PLSCR2: variants seen among roughly 807,000 people sequenced by gnomAD.
PLSCR2 encodes phospholipid scramblase 2.
PLSCR2 carries 18 observed loss-of-function variants against 25.3 expected under a neutral mutation model. That is an observed-to-expected ratio of 0.71 (90% CI 0.49 to 1.06). The LOEUF (loss-of-function observed/expected upper bound fraction) is 1.06. PLSCR2 is among the 50% of genes least tolerant of loss of function. PLSCR2 has a pLI of 0.00. For missense variants in PLSCR2, 243 were observed against 269.5 expected (o/e 0.90, Z 0.69); for synonymous variants, 88 against 87.3 (o/e 1.01, Z -0.04).
intron 1 of PLSCR2, among the ~76,000 whole-genome samples, chr3:146,483,327 A>G (rs2043197562): frequency 6.7e-6 from 1 of 149,156 alleles, no homozygotes; most frequent in South Asian, 2.1e-4. Context: ...GAAATACCAA[A>G]TGTAAATGAC....
chr3:146,436,700 T>C (rs532865815), intron 8 of PLSCR2, among the ~76,000 whole-genome samples: 3 of 151,974 alleles, frequency 2.0e-5, no homozygotes, highest in South Asian at 2.1e-4. Context: ...TTTCTAAAGA[T>C]ACAATCATGT....
intron 2 of PLSCR2, among the ~76,000 whole-genome samples, chr3:146,412,456 G>A (rs1405100362): frequency 6.6e-6 from 1 of 152,094 alleles, no homozygotes; most frequent in Non-Finnish European, 1.5e-5. Flanking sequence ...GATGTCACCA[G>A]TGCTTACCAC....
rs1559964623 is a variant in PLSCR2, at chr3:146,393,815, A to AAAAAAC, written c.*145+1944_*145+1945insGTTTTT. ...GCGACAGAGACTCCGTCTCAAAAAAAAAAAAAAAACTTCTAAATAAGACCA... is the reference window on the plus strand; with the variant it reads ...GCGACAGAGACTCCGTCTCAAAAAAAAAAAACAAAAAAAAACTTCTAAATAAGACCA... On this transcript the variant is annotated intron_variant and NMD_transcript_variant, in intron 3 of 3. Transcript: ENST00000463633. Among the ~76,000 whole-genome samples the AAAAAAC allele has an allele frequency of 6.6e-5, 10 of 151,934 alleles. No homozygotes were observed. The South Asian group carries it at 2.1e-3, about 32-fold the overall frequency.
At chr3:146,438,683 G>C (rs2040040044), downstream of PLSCR2, among the ~76,000 whole-genome samples, 1 of 152,100 alleles carries the variant, frequency 6.6e-6, no homozygotes. Context: ...TATGTGAGAT[G>C]GGTCTCCTGA....
chr3:146,443,158 A>AT (rs1204845622), intron 6 of PLSCR2, among the ~76,000 whole-genome samples: 9 of 151,968 alleles, frequency 5.9e-5, no homozygotes, highest in African/African-American at 1.9e-4. Context: ...TGTATTGTTG[A>AT]TTTTGACTTG....
At chr3:146,459,110 C>T (rs2041398978) in intron 2 of PLSCR2, among the ~76,000 whole-genome samples, 1 of 152,068 alleles carries the variant, frequency 6.6e-6, no homozygotes, top group Admixed American at 6.5e-5. Flanking sequence ...AAACATTAAA[C>T]CTCACTTTGC....
downstream of PLSCR2, among the ~76,000 whole-genome samples, chr3:146,441,365 A>AATAAATT (rs1181185528): frequency 7.9e-5 from 12 of 152,046 alleles, no homozygotes; most frequent in African/African-American, 2.9e-4. Context: ...TTTTACATAA[A>AATAAATT]ATAAATTATA....
chr3:146,478,660 A>G (rs1284960301), intron 1 of PLSCR2, among the ~76,000 whole-genome samples: 1 of 152,234 alleles, frequency 6.6e-6, no homozygotes, highest in African/African-American at 2.4e-5. Context: ...ACCAAGTTAG[A>G]AAACACTCTT....
At chr3:146,463,049 C>A (rs2041690108), upstream of PLSCR2, among the ~76,000 whole-genome samples, 2 of 152,130 alleles carry the variant, frequency 1.3e-5, no homozygotes, top group South Asian at 4.1e-4. Flanking sequence ...TCCTGACCAG[C>A]AAATTTGAGA....
At chr3:146,399,768 C>G (rs2038397171) in intron 2 of PLSCR2, among the ~76,000 whole-genome samples, 2 of 112,818 alleles carry the variant, frequency 1.8e-5, no homozygotes. Flanking sequence ...TGCTTTCTTG[C>G]TTGCTTTCTT....
At chr3:146,469,472 G>C in intron 1 of PLSCR2, 23 bp downstream of exon 1, 2 of 970,746 alleles carry the variant, frequency 2.1e-6, no homozygotes, top group Non-Finnish European at 1.2e-6. Context: ...ATAGGGAGGC[G>C]ACTGAGAAAG....
downstream of PLSCR2, among the ~76,000 whole-genome samples, chr3:146,431,137 G>T (rs957726965): frequency 2.6e-5 from 4 of 152,160 alleles, no homozygotes; most frequent in African/African-American, 2.4e-5. Flanking sequence ...GAGCAAAGAA[G>T]GGTTAGAGAA....
intron 2 of PLSCR2, among the ~76,000 whole-genome samples, chr3:146,410,698 C>A (rs944455917): frequency 6.6e-6 from 1 of 152,204 alleles, no homozygotes; most frequent in Non-Finnish European, 1.5e-5. Context: ...CTAAACAAGA[C>A]AATAGACACC....
chr3:146,411,690 T>C (rs953793322), intron 2 of PLSCR2, among the ~76,000 whole-genome samples: 12 of 152,228 alleles, frequency 7.9e-5, no homozygotes, highest in African/African-American at 1.2e-4. Context: ...AGACAGCTAA[T>C]GCTCAAAATT....
chr3:146,453,920 A>AT (rs1039854157), intron 5 of PLSCR2, 82 bp downstream of exon 5: 51 of 1,139,036 alleles, frequency 4.5e-5, no homozygotes, highest in Middle Eastern at 2.5e-4. Flanking sequence ...CACAATACTA[A>AT]TTTAAGGCAT....
At chr3:146,435,832 C>T (rs1172984189) in intron 8 of PLSCR2, among the ~76,000 whole-genome samples, 1 of 152,174 alleles carries the variant, frequency 6.6e-6, no homozygotes, top group African/African-American at 2.4e-5. Context: ...GTGTTTTAGT[C>T]ATGAAGTACT....
intron 1 of PLSCR2, among the ~76,000 whole-genome samples, chr3:146,483,508 T>TATAA (rs1321511696): frequency 4.3e-4 from 53 of 122,898 alleles, no homozygotes; most frequent in Non-Finnish European, 8.3e-4. Flanking sequence ...TATATATATA[T>TATAA]AATGTTACTA....
intron 1 of PLSCR2, among the ~76,000 whole-genome samples, chr3:146,489,963 A>G (rs1039714374): frequency 1.3e-5 from 2 of 152,124 alleles, no homozygotes; most frequent in Admixed American, 1.3e-4. Flanking sequence ...CATGCAAGGC[A>G]CATTTACCCC....
intron 2 of PLSCR2, among the ~76,000 whole-genome samples, chr3:146,424,902 A>G (rs1294745110): frequency 6.6e-6 from 1 of 152,162 alleles, no homozygotes; most frequent in African/African-American, 2.4e-5. Flanking sequence ...CAATACAGAT[A>G]TGATAAAGAG....
Sources: allele counts gnomAD v4.1 joint callset (sites outside exome capture counted in the v4.1 genomes callset), GRCh38; gene constraint gnomAD v4.1.1; transcripts MANE v1.5; gene names NCBI Gene and HGNC (gene_info 2026-07-23, HGNC 2026-07-21).